Variants in GTF2F2 observed in about 807,000 individuals in gnomAD.
The protein encoded by GTF2F2 is ATP-dependent helicase GTF2F2.
A neutral mutation model predicts 42.2 loss-of-function variants in GTF2F2; 23 were observed. The observed-to-expected ratio is 0.55, with a 90% CI of 0.39 to 0.77. The LOEUF is 0.77. GTF2F2 is among the 30% of genes least tolerant of loss of function. GTF2F2 has a pLI of 0.00. For missense variants in GTF2F2, 261 were observed against 287.2 expected (o/e 0.91, Z 0.66); for synonymous variants, 105 against 100.8 (o/e 1.04, Z -0.25).
intron 7 of GTF2F2, among the ~76,000 whole-genome samples, chr13:45,269,174 A>G (rs1254339264): frequency 1.3e-5 from 2 of 152,248 alleles, no homozygotes; most frequent in Non-Finnish European, 2.9e-5. Flanking sequence ...GCAGAGTTGT[A>G]TGCTATTCCT....
At chr13:45,234,460 C>G (rs1019489509) in intron 5 of GTF2F2, among the ~76,000 whole-genome samples, 1 of 152,142 alleles carries the variant, frequency 6.6e-6, no homozygotes, top group Non-Finnish European at 1.5e-5. Flanking sequence ...TGTACTAAGA[C>G]TAGCTTTTTA....
intron 6 of GTF2F2, among the ~76,000 whole-genome samples, chr13:45,254,057 G>A (rs997419993): frequency 1.4e-5 from 2 of 144,656 alleles, no homozygotes; most frequent in African/African-American, 2.6e-5. Flanking sequence ...GTGACAGAGC[G>A]AGACTCCGTC....
chr13:45,149,164 G>C (rs958936152), intron 2 of GTF2F2, among the ~76,000 whole-genome samples: 9 of 151,986 alleles, frequency 5.9e-5, no homozygotes, highest in Non-Finnish European at 1.2e-4. Context: ...TTGTAATAAG[G>C]CTGGGTGTAG....
In GTF2F2 at chr13:45,232,542, G is replaced by A. The variant is rs573316604; in HGVS notation, c.387-20329G>A. ...CCCAGCTACTCAGGAGGCTGAGGCA[G>A]GAGGATCGCTTGAGTCCAGGAGGTT... On this transcript the variant is annotated intron_variant, in intron 5 of 7. Coordinates refer to ENST00000340473, the MANE Select transcript of GTF2F2 (RefSeq NM_004128.3). 9.9e-5 allele frequency among the ~76,000 whole-genome samples: 15 copies of A among 152,266 alleles called. No homozygotes were observed. In the East Asian group the frequency reaches 1.5e-3, roughly 16 times the overall value.
At chr13:45,215,002 T>C (rs7335795) in intron 5 of GTF2F2, among the ~76,000 whole-genome samples, 33,198 of 152,066 alleles carry the variant, frequency 0.22, 3,883 homozygotes, top group African/African-American at 0.27. Flanking sequence ...GAAAACCCTT[T>C]TCCTATAGAA....
intron 4 of GTF2F2, among the ~76,000 whole-genome samples, chr13:45,175,876 G>A (rs1323118463): frequency 2.0e-5 from 3 of 152,070 alleles, no homozygotes; most frequent in African/African-American, 4.8e-5. Flanking sequence ...CGCCCGCCTC[G>A]GCCTCCCAAA....
intron 2 of GTF2F2, among the ~76,000 whole-genome samples, chr13:45,142,407 A>G (rs1261188407): frequency 6.6e-6 from 1 of 152,150 alleles, no homozygotes; most frequent in Admixed American, 6.5e-5. Flanking sequence ...ACCTCAAGTG[A>G]TCTGCCTGCC....
intron 7 of GTF2F2, among the ~76,000 whole-genome samples, chr13:45,278,745 G>GTCTCATAA (rs1408641516): frequency 6.7e-6 from 1 of 149,708 alleles, no homozygotes; most frequent in African/African-American, 2.5e-5. Flanking sequence ...CTTCTCAGTG[G>GTCTCATAA]TCTCATAATA....
intron 6 of GTF2F2, among the ~76,000 whole-genome samples, chr13:45,254,955 T>G (rs1051760153): frequency 1.3e-5 from 2 of 151,876 alleles, no homozygotes; most frequent in African/African-American, 4.8e-5. Flanking sequence ...TCACCTGAGG[T>G]CAGGAGTTCA....
At chr13:45,146,163 T>G (rs1870183256) in intron 2 of GTF2F2, among the ~76,000 whole-genome samples, 1 of 152,032 alleles carries the variant, frequency 6.6e-6, no homozygotes, top group Non-Finnish European at 1.5e-5. Context: ...ACCTAATGGT[T>G]TTTGAGCTCA....
chr13:45,270,998 C>G (rs1447324116), intron 7 of GTF2F2, among the ~76,000 whole-genome samples: 4 of 152,132 alleles, frequency 2.6e-5, no homozygotes, highest in Non-Finnish European at 5.9e-5. Context: ...TCATTGAAAA[C>G]TAGTCCCTGA....
chr13:45,283,550 A>C lies in GTF2F2; in HGVS notation c.739A>C (p.Lys247Gln), dbSNP rs368477462. The C allele has an allele frequency of 7.1e-5, 114 of 1,609,276 alleles. No individual in the cohort carries two copies. The highest frequency in any genetic ancestry group is 8.9e-5 in the Non-Finnish European group (105 of 1,178,124). ...GTACAGACACTATCAAGGAGAAGAAAAGAGTGACTAAGAAGACTCCTAGCC... is the reference window on the plus strand; with the variant it reads ...GTACAGACACTATCAAGGAGAAGAACAGAGTGACTAAGAAGACTCCTAGCC... ...PEYRHYQGEE[K>Q]SD The change falls in exon 8 of 8, where the codon AAG (lysine) becomes CAG (glutamine). Residue 247 changes from lysine to glutamine, a missense_variant. By Grantham distance (53) the Lys-to-Gln change is moderately conservative. Transcript: ENST00000340473.
intron 1 of GTF2F2, among the ~76,000 whole-genome samples, chr13:45,131,133 G>C (rs990825229): frequency 6.6e-6 from 1 of 151,836 alleles, no homozygotes; most frequent in Non-Finnish European, 1.5e-5. Context: ...GCTTGAACCC[G>C]GAAGGCAGAG....
In GTF2F2 at chr13:45,283,540, A is replaced by G; in HGVS notation, c.729A>G (p.Gln243=). 1 of 1,611,774 alleles carries G rather than the reference A, an allele frequency of 6.2e-7. No individual in the cohort carries two copies. The highest frequency in any genetic ancestry group is 8.5e-7 in the Non-Finnish European group (1 of 1,178,946). Residue 243 remains glutamine, a synonymous_variant, in exon 8 of 8, where the codon CAA becomes CAG. Coordinates refer to ENST00000340473, the MANE Select transcript of GTF2F2 (RefSeq NM_004128.3). ...WELKPEYRHY[Q]GEEKSD ...TGAAGCCAGAGTACAGACACTATCA[A>G]GGAGAAGAAAAGAGTGACTAAGAAG...
chr13:45,133,207 G>A (rs1324704551), intron 1 of GTF2F2, among the ~76,000 whole-genome samples: 1 of 152,044 alleles, frequency 6.6e-6, no homozygotes, highest in Non-Finnish European at 1.5e-5. Flanking sequence ...AGAGAAATGA[G>A]GACATAGCAG....
intron 1 of GTF2F2, chr13:45,124,292 C>T (rs1409667109): frequency 8.1e-6 from 2 of 245,622 alleles, no homozygotes; most frequent in East Asian, 2.1e-4. Flanking sequence ...CCGTGTTAGC[C>T]AGGATGGTCT....
At chr13:45,236,275 C>G (rs1593509067) in intron 5 of GTF2F2, among the ~76,000 whole-genome samples, 1 of 151,912 alleles carries the variant, frequency 6.6e-6, no homozygotes, top group Admixed American at 6.6e-5. Context: ...TGGCAAGGAA[C>G]CAAAAGGCAG....
At chr13:45,181,185 C>CA (rs1202092372) in intron 4 of GTF2F2, among the ~76,000 whole-genome samples, 1,295 of 124,984 alleles carry the variant, frequency 0.01, 35 homozygotes, top group African/African-American at 0.039. Flanking sequence ...AAAAAACAAA[C>CA]AAACAAAAAA....
intron 7 of GTF2F2, among the ~76,000 whole-genome samples, chr13:45,281,956 T>A (rs960403426): frequency 1.3e-5 from 2 of 152,184 alleles, no homozygotes; most frequent in Non-Finnish European, 2.9e-5. Context: ...CCCAGCACTT[T>A]GGGAGGCCGA....
Sources: gnomAD v4.1 joint callset for allele counts (sites outside exome capture counted in the v4.1 genomes callset) on GRCh38, gnomAD v4.1.1 for gene constraint, MANE v1.5 for transcripts, NCBI Gene and HGNC (gene_info 2026-07-23, HGNC 2026-07-21) for gene names.